LOC400499: variants seen among roughly 807,000 people sequenced by gnomAD.
chr16:11,479,897 T>A, the LOC400499 span, among the ~76,000 whole-genome samples: 2 of 152,204 alleles, frequency 1.3e-5, no homozygotes, highest in Non-Finnish European at 2.9e-5. Flanking sequence ...GGTCTCTGGT[T>A]CATGGCAGTT....
chr16:11,505,933 T>C, the LOC400499 span, among the ~76,000 whole-genome samples: 139 of 152,246 alleles, frequency 9.1e-4, 1 homozygote, highest in African/African-American at 3.2e-3. Context: ...ATCTTAATTA[T>C]AGTCATCCTA....
chr16:11,388,959 T>C, the LOC400499 span, among the ~76,000 whole-genome samples: 1 of 152,172 alleles, frequency 6.6e-6, no homozygotes, highest in South Asian at 2.1e-4. Context: ...TGGTGGCACA[T>C]GCTTGTAATC....
the LOC400499 span, among the ~76,000 whole-genome samples, chr16:11,484,517 G>A: frequency 6.6e-6 from 1 of 152,190 alleles, no homozygotes; most frequent in South Asian, 2.1e-4. Flanking sequence ...GCTGCCAGAA[G>A]TCAGAAGAGT....
At chr16:11,432,721 T>G in the LOC400499 span, among the ~76,000 whole-genome samples, 8 of 152,166 alleles carry the variant, frequency 5.3e-5, no homozygotes, top group African/African-American at 1.9e-4. Flanking sequence ...TCCCTTGAGC[T>G]TCACCACCAG....
At chr16:11,500,992 C>G in the LOC400499 span, 1 of 399,042 alleles carries the variant, frequency 2.5e-6, no homozygotes. Flanking sequence ...AGGCGACCCA[C>G]ACGTGCTGAG....
the LOC400499 span, chr16:11,390,574 T>C: frequency 1.2e-6 from 1 of 868,862 alleles, no homozygotes; most frequent in Non-Finnish European, 1.5e-6. Context: ...GGGATTAAGA[T>C]GTGGGGAGCT....
At chr16:11,403,454 CAT>C in the LOC400499 span, among the ~76,000 whole-genome samples, 1 of 149,468 alleles carries the variant, frequency 6.7e-6, no homozygotes, top group African/African-American at 2.6e-5. Flanking sequence ...TATACACACA[CAT>C]GCACACATAC....
the LOC400499 span, among the ~76,000 whole-genome samples, chr16:11,502,485 G>A: frequency 6.6e-6 from 1 of 152,202 alleles, no homozygotes. Flanking sequence ...CAGGCATAGT[G>A]TCTGAATCTG....
At chr16:11,523,440 G>A in the LOC400499 span, 2 of 398,648 alleles carry the variant, frequency 5.0e-6, no homozygotes, top group Non-Finnish European at 8.8e-6. Context: ...AGTCATGCAG[G>A]AGGCCACCTG....
At chr16:11,385,451 G>C in the LOC400499 span, 24 of 1,213,954 alleles carry the variant, frequency 2.0e-5, no homozygotes, top group Non-Finnish European at 2.3e-5. Context: ...GGGTGAGCGG[G>C]GCCAGCTCCA....
At chr16:11,513,866 G>C in the LOC400499 span, among the ~76,000 whole-genome samples, 1 of 152,152 alleles carries the variant, frequency 6.6e-6, no homozygotes, top group South Asian at 2.1e-4. Context: ...CCAGCAGTAA[G>C]AATAACCATT....
the LOC400499 span, among the ~76,000 whole-genome samples, chr16:11,427,603 C>G: frequency 6.6e-6 from 1 of 152,068 alleles, no homozygotes; most frequent in East Asian, 1.9e-4. Context: ...ACCACCATGC[C>G]CAACTAATTT....
the LOC400499 span, chr16:11,448,048 G>A: frequency 2.8e-5 from 43 of 1,535,582 alleles, no homozygotes; most frequent in South Asian, 6.0e-5. Context: ...CCGCACAGCC[G>A]TGAGCGACAC....
the LOC400499 span, among the ~76,000 whole-genome samples, chr16:11,384,626 G>C: frequency 0.59 from 90,249 of 152,138 alleles, 27,725 homozygotes; most frequent in African/African-American, 0.73. Context: ...GCAGAGGGAC[G>C]ACAGAAGGGC....
At chr16:11,494,657 G>A in the LOC400499 span, 3 of 399,488 alleles carry the variant, frequency 7.5e-6, no homozygotes, top group Non-Finnish European at 1.3e-5. Context: ...GCCGACTCCA[G>A]GCAGCTGGCC....
chr16:11,432,074 A>C, the LOC400499 span, among the ~76,000 whole-genome samples: 2 of 152,232 alleles, frequency 1.3e-5, no homozygotes, highest in Non-Finnish European at 2.9e-5. Flanking sequence ...AGGGGGATGC[A>C]CATGGAAGAG....
the LOC400499 span, chr16:11,439,613 G>A: frequency 5.0e-6 from 2 of 399,008 alleles, no homozygotes; most frequent in African/African-American, 2.1e-5. Context: ...AGGGGTCAGA[G>A]GGAACAGAGA....
At chr16:11,454,742 G>A in the LOC400499 span, among the ~76,000 whole-genome samples, 1 of 152,168 alleles carries the variant, frequency 6.6e-6, no homozygotes, top group Admixed American at 6.6e-5. Context: ...CAGAACCCTT[G>A]GAAATGAATA....
At chr16:11,514,063 G>C in the LOC400499 span, among the ~76,000 whole-genome samples, 3 of 152,094 alleles carry the variant, frequency 2.0e-5, no homozygotes, top group African/African-American at 7.2e-5. Flanking sequence ...CCCCTAAAAT[G>C]GGCAGACTGA....
Sources: allele counts gnomAD v4.1 joint callset (sites outside exome capture counted in the v4.1 genomes callset), GRCh38; gene constraint gnomAD v4.1.1; transcripts MANE v1.5.